The following CRIM1 variants were observed in gnomAD, a reference collection of about 807,000 sequenced individuals.
CRIM1 encodes the protein cysteine-rich motor neuron 1 protein.
In CRIM1, 32 loss-of-function variants were observed where a neutral mutation model predicts 116.4. The observed-to-expected ratio is 0.27, with a 90% CI of 0.21 to 0.37. The LOEUF is 0.37. Ranked by LOEUF, CRIM1 falls within the 10% of genes least tolerant of loss-of-function variation. The pLI, the probability that CRIM1 is intolerant of heterozygous loss-of-function variation, is 1.00. For missense variants in CRIM1, 1,331 were observed against 1,354.8 expected (o/e 0.98, Z 0.28); for synonymous variants, 590 against 509.2 (o/e 1.16, Z -2.13).
chr2:36,470,303 A>G (rs543698953), intron 5 of CRIM1, among the ~76,000 whole-genome samples: 3 of 152,316 alleles, frequency 2.0e-5, no homozygotes, highest in South Asian at 2.1e-4. Flanking sequence ...AGAGTTATCT[A>G]GAAGATTTAG....
intron 8 of CRIM1, among the ~76,000 whole-genome samples, chr2:36,506,194 CA>C (rs1420760792): frequency 6.7e-6 from 1 of 150,028 alleles, no homozygotes. Context: ...CACACACACA[CA>C]CACACACACA....
chr2:36,363,538 C>CCA (rs1669382244), intron 1 of CRIM1, among the ~76,000 whole-genome samples: 1 of 144,020 alleles, frequency 6.9e-6, no homozygotes, highest in African/African-American at 2.5e-5. Context: ...CGCCCCCCCC[C>CCA]CCCATGACTA....
At chr2:36,512,664 T>G (rs1279711347) in intron 10 of CRIM1, among the ~76,000 whole-genome samples, 3 of 152,190 alleles carry the variant, frequency 2.0e-5, no homozygotes. Context: ...ATCAGGAACT[T>G]TAGCCTAAAG....
rs183420476 is a variant in CRIM1, at chr2:36,426,929, G to A, written c.506-14329G>A. Reference sequence around the variant, plus strand: ...AAAATGGTAAGAAAAGGAGCCGTGCGCAGTGGCTCACGCCTGTAATCCCAG... The same window carrying A: ...AAAATGGTAAGAAAAGGAGCCGTGCACAGTGGCTCACGCCTGTAATCCCAG... On this transcript the variant is annotated intron_variant, in intron 2 of 16. Coordinates refer to ENST00000280527, the MANE Select transcript of CRIM1 (RefSeq NM_016441.3). Among the ~76,000 whole-genome samples, 158 of 152,264 alleles carry A rather than the reference G, an allele frequency of 1.0e-3. 1 individual carries two copies. The highest frequency in any genetic ancestry group is 3.6e-3 in the African/African-American group (151 of 41,546).
intron 13 of CRIM1, among the ~76,000 whole-genome samples, chr2:36,530,542 A>G (rs921547003): frequency 8.5e-5 from 13 of 152,226 alleles, no homozygotes; most frequent in Admixed American, 2.6e-4. Flanking sequence ...AGAAAGTGAA[A>G]TGAAAGTGGT....
chr2:36,500,104 A>G (rs923728219), intron 8 of CRIM1, among the ~76,000 whole-genome samples: 1 of 152,152 alleles, frequency 6.6e-6, no homozygotes, highest in Non-Finnish European at 1.5e-5. Context: ...AGGCAGGCAG[A>G]TCACTGGAGC....
intron 1 of CRIM1, among the ~76,000 whole-genome samples, chr2:36,395,092 A>G (rs1671924015): frequency 6.8e-6 from 1 of 146,542 alleles, no homozygotes; most frequent in Admixed American, 7.0e-5. Flanking sequence ...TTGGCTGACG[A>G]CAACCTCTGC....
chr2:36,441,508 C>T lies in CRIM1; in HGVS notation c.748+8C>T, dbSNP rs1326596211. 2.5e-6 allele frequency: 4 copies of T among 1,606,646 alleles called. No homozygotes were observed. The highest frequency in any genetic ancestry group is 1.7e-5 in the Admixed American group (1 of 60,010). Reference sequence around the variant, plus strand: ...TCTATGAGTGCAAACCAGGTATGCACGAGCTCTGTCTCAGCAGCCTTGTTC... The same window carrying T: ...TCTATGAGTGCAAACCAGGTATGCATGAGCTCTGTCTCAGCAGCCTTGTTC... On this transcript the variant is annotated splice_region_variant and intron_variant, in intron 3 of 16. Coordinates refer to ENST00000280527, the MANE Select transcript of CRIM1 (RefSeq NM_016441.3).
At chr2:36,524,751 T>C (rs150415215) in intron 13 of CRIM1, among the ~76,000 whole-genome samples, 121 of 152,376 alleles carry the variant, frequency 7.9e-4, no homozygotes, top group Middle Eastern at 6.8e-3. Flanking sequence ...AAAACCAATT[T>C]AACAAATTCA....
In CRIM1 at chr2:36,522,325, GA is replaced by G. The variant is rs748629942; in HGVS notation, c.2428+21del. 48 of 1,570,920 alleles carry G rather than the reference GA, an allele frequency of 3.1e-5. No individual in the cohort carries two copies. The highest frequency in any genetic ancestry group is 7.2e-5 in the Admixed American group (4 of 55,324). ...TCCCTACTGCATAGGTAAGACCAAG[GA>G]AAAAAAAATCCCTCATCTCTACCAG... On this transcript the variant is annotated intron_variant, in intron 13 of 16. Coordinates refer to ENST00000280527, the MANE Select transcript of CRIM1 (RefSeq NM_016441.3).
intron 14 of CRIM1, among the ~76,000 whole-genome samples, chr2:36,543,217 T>TTTAAC (rs1165458064): frequency 6.6e-6 from 1 of 152,210 alleles, no homozygotes; most frequent in African/African-American, 2.4e-5. Context: ...TTTTGAGCGA[T>TTTAAC]TTAACTTAAC....
chr2:36,441,760 A>G (rs985680363), intron 3 of CRIM1, among the ~76,000 whole-genome samples: 1 of 152,094 alleles, frequency 6.6e-6, no homozygotes, highest in Non-Finnish European at 1.5e-5. Flanking sequence ...CCTTCAAAGT[A>G]TGCTTGACTG....
intron 7 of CRIM1, among the ~76,000 whole-genome samples, chr2:36,493,300 A>G (rs946121665): frequency 7.9e-5 from 12 of 152,134 alleles, no homozygotes; most frequent in Non-Finnish European, 1.0e-4. Flanking sequence ...TTTTCTAGAA[A>G]TTTGCCTACA....
At chr2:36,493,351 T>G (rs1680362603) in intron 7 of CRIM1, among the ~76,000 whole-genome samples, 1 of 152,188 alleles carries the variant, frequency 6.6e-6, no homozygotes, top group Non-Finnish European at 1.5e-5. Context: ...TGTGTGGGTG[T>G]GTGTGCATAT....
At chr2:36,518,552 A>G (rs1665174405) in intron 12 of CRIM1, among the ~76,000 whole-genome samples, 2 of 152,220 alleles carry the variant, frequency 1.3e-5, no homozygotes, top group Non-Finnish European at 2.9e-5. Context: ...AGATGAACTT[A>G]TAGGGATAGC....
chr2:36,542,225 T>C (rs1666993956), intron 14 of CRIM1, among the ~76,000 whole-genome samples: 1 of 152,178 alleles, frequency 6.6e-6, no homozygotes, highest in African/African-American at 2.4e-5. Context: ...GGGGCCAGGA[T>C]TGGTCTCACT....
chr2:36,454,783 G>A (rs1156397700), intron 4 of CRIM1, among the ~76,000 whole-genome samples: 3 of 152,156 alleles, frequency 2.0e-5, no homozygotes, highest in Non-Finnish European at 4.4e-5. Flanking sequence ...AATGAGTAGT[G>A]ATGCCCTGTT....
chr2:36,363,779 G>A (rs1245610594), intron 1 of CRIM1, among the ~76,000 whole-genome samples: 66 of 152,134 alleles, frequency 4.3e-4, no homozygotes, highest in Admixed American at 4.3e-3. Context: ...TTTGCTCCTA[G>A]CTCCTGAGTG....
chr2:36,414,506 C>T (rs1033829395), intron 2 of CRIM1, among the ~76,000 whole-genome samples: 4 of 152,180 alleles, frequency 2.6e-5, no homozygotes, highest in East Asian at 3.9e-4. Context: ...CTAGTCCCCC[C>T]CCGAGCTTTC....
Sources: gnomAD v4.1 joint callset for allele counts (sites outside exome capture counted in the v4.1 genomes callset) on GRCh38, gnomAD v4.1.1 for gene constraint, MANE v1.5 for transcripts, NCBI Gene and HGNC (gene_info 2026-07-23, HGNC 2026-07-21) for gene names.